SIPA1L3: variants seen among roughly 807,000 people sequenced by gnomAD.
SIPA1L3 encodes signal induced proliferation associated 1 like 3, also known as signal-induced proliferation-associated 1-like protein 3.
A neutral mutation model predicts 150.1 loss-of-function variants in SIPA1L3; 59 were observed. The observed-to-expected ratio is 0.39, with a 90% confidence interval of 0.32 to 0.49. The LOEUF is 0.49. Among genes scored for constraint, SIPA1L3 ranks in the 20% least tolerant of loss-of-function variants. The pLI, the probability that SIPA1L3 is intolerant of heterozygous loss-of-function variation, is 0.86. For synonymous variants in SIPA1L3, 1,070 were observed against 1,077.6 expected (o/e 0.99, Z 0.14); for missense variants, 2,211 against 2,489.5 (o/e 0.89, Z 2.38).
chr19:38,051,533 C>T (rs1441369436), intron 2 of SIPA1L3, among the ~76,000 whole-genome samples: 1 of 152,146 alleles, frequency 6.6e-6, no homozygotes, highest in Non-Finnish European at 1.5e-5. Flanking sequence ...CCACTAGAAC[C>T]TGGTGTATCC....
intron 1 of SIPA1L3, among the ~76,000 whole-genome samples, chr19:37,922,178 C>T (rs984972903): frequency 2.0e-5 from 3 of 151,380 alleles, no homozygotes; most frequent in South Asian, 2.1e-4. Context: ...TCGGCCCCAC[C>T]GGGTTCAAGC....
chr19:38,138,057 A>G (rs1035612587), intron 10 of SIPA1L3, among the ~76,000 whole-genome samples: 7 of 152,008 alleles, frequency 4.6e-5, no homozygotes, highest in Admixed American at 3.3e-4. Flanking sequence ...CTTGAACCCA[A>G]TAGGCGAAGG....
At chr19:37,999,485 AC>A (rs1487240164) in intron 1 of SIPA1L3, among the ~76,000 whole-genome samples, 1 of 152,202 alleles carries the variant, frequency 6.6e-6, no homozygotes, top group Non-Finnish European at 1.5e-5. Context: ...CTCTAGTTGC[AC>A]ATGGAAGTGA....
rs74565208 is a variant in SIPA1L3 at position 38,012,668 on chromosome 19, C to G, written c.-378-16421C>G. Among the ~76,000 whole-genome samples, 302 of 152,126 alleles carry G rather than the reference C, an allele frequency of 2.0e-3. 2 individuals are homozygous for G. The highest frequency in any genetic ancestry group is 0.019 in the East Asian group (100 of 5,170). On this transcript the variant is annotated intron_variant, in intron 1 of 21. Coordinates refer to ENST00000222345, the MANE Select transcript of SIPA1L3 (RefSeq NM_015073.3). Reference sequence around the variant, plus strand: ...CTCATCTGGCCAAGTCCATTCCCCCCACCCCCCATCCTCTCTCCTCCCCAG... The same window carrying G: ...CTCATCTGGCCAAGTCCATTCCCCCGACCCCCCATCCTCTCTCCTCCCCAG...
chr19:37,910,772 T>G (rs1437434387), intron 1 of SIPA1L3, among the ~76,000 whole-genome samples: 1 of 152,146 alleles, frequency 6.6e-6, no homozygotes, highest in Non-Finnish European at 1.5e-5. Flanking sequence ...GCCTGGCTAA[T>G]TTTTGTATTT....
intron 1 of SIPA1L3, among the ~76,000 whole-genome samples, chr19:37,940,471 A>T (rs567714796): frequency 4.6e-5 from 7 of 152,192 alleles, no homozygotes; most frequent in Non-Finnish European, 1.0e-4. Flanking sequence ...TAATCATGAC[A>T]ATAATTAACA....
intron 9 of SIPA1L3, among the ~76,000 whole-genome samples, chr19:38,125,541 C>A (rs551302924): frequency 6.6e-6 from 1 of 152,154 alleles, no homozygotes; most frequent in African/African-American, 2.4e-5. Flanking sequence ...ATACCCCCAC[C>A]CCCACCCCCA....
At position 38,000,913 on chromosome 19, in the gene SIPA1L3, A is replaced by ATATATATGT. The variant is rs1491540090; in HGVS notation, c.-378-28169_-378-28168insGTTATATAT. Among the ~76,000 whole-genome samples the ATATATATGT allele has an allele frequency of 5.2e-5, 4 of 77,090 alleles. No homozygotes were observed. The East Asian group carries it at 1.1e-3, about 22-fold the overall frequency. 50.6% of individuals were successfully genotyped at this position (77,090 alleles called of 152,430 possible). On this transcript the variant is annotated intron_variant, in intron 1 of 21. Coordinates refer to ENST00000222345, the MANE Select transcript of SIPA1L3 (RefSeq NM_015073.3). ...TATATGTTATATATATATATATAAC[A>ATATATATGT]TATATATAACATATATATAACATAT...
At chr19:37,915,074 C>A (rs936948735) in intron 1 of SIPA1L3, among the ~76,000 whole-genome samples, 4 of 152,172 alleles carry the variant, frequency 2.6e-5, no homozygotes. Flanking sequence ...TGTTGTTTGA[C>A]ATGCAAAGCA....
intron 1 of SIPA1L3, among the ~76,000 whole-genome samples, chr19:37,976,104 TA>T (rs374630193): frequency 0.042 from 5,037 of 120,232 alleles, 129 homozygotes; most frequent in Non-Finnish European, 0.067. Context: ...GGCTCTGTCT[TA>T]AAAAAAAAAA....
intron 1 of SIPA1L3, among the ~76,000 whole-genome samples, chr19:37,956,450 AT>A (rs1195823584): frequency 7.3e-6 from 1 of 137,088 alleles, no homozygotes; most frequent in Non-Finnish European, 1.6e-5. Flanking sequence ...AAATATTTTT[AT>A]TTTTTTAGTC....
chr19:38,080,746 G>T (rs941924761), intron 2 of SIPA1L3, among the ~76,000 whole-genome samples: 2 of 151,982 alleles, frequency 1.3e-5, no homozygotes, highest in Non-Finnish European at 1.5e-5. Context: ...GGCGGGCGGG[G>T]ATTGCCTGAG....
At chr19:37,950,957 C>T (rs187939302) in intron 1 of SIPA1L3, among the ~76,000 whole-genome samples, 2 of 152,384 alleles carry the variant, frequency 1.3e-5, no homozygotes, top group East Asian at 3.9e-4. Flanking sequence ...GCATCTGCTC[C>T]CGCAGGTGGA....
chr19:38,062,056 AG>A lies in SIPA1L3; in HGVS notation c.-310-19198del, dbSNP rs899739891. On this transcript the variant is annotated intron_variant, in intron 2 of 21. Coordinates refer to ENST00000222345, the MANE Select transcript of SIPA1L3 (RefSeq NM_015073.3). ...CACTGTGAGTGCAGGTGCTGTTGAA[AG>A]GATGTATCGCGTGCTTGCCATGTGC... Among the ~76,000 whole-genome samples the A allele has an allele frequency of 5.9e-4, 90 of 151,712 alleles. 1 individual carries two copies. The highest frequency in any genetic ancestry group is 5.9e-3 in the Admixed American group (89 of 15,202).
intron 20 of SIPA1L3, among the ~76,000 whole-genome samples, chr19:38,203,172 T>C (rs1345001217): frequency 6.6e-6 from 1 of 152,172 alleles, no homozygotes; most frequent in African/African-American, 2.4e-5. Context: ...TAGGCCCCAC[T>C]GTAATTACAA....
chr19:38,073,354 C>T (rs547306378), intron 2 of SIPA1L3, among the ~76,000 whole-genome samples: 7 of 152,260 alleles, frequency 4.6e-5, no homozygotes, highest in South Asian at 4.1e-4. Flanking sequence ...GGCCTGGAGC[C>T]GCCATATCTG....
chr19:38,154,315 G>C (rs1439299218), intron 13 of SIPA1L3, among the ~76,000 whole-genome samples: 2 of 152,186 alleles, frequency 1.3e-5, no homozygotes, highest in African/African-American at 4.8e-5. Flanking sequence ...TTGCAGTTGG[G>C]CTGCCTAGAG....
intron 8 of SIPA1L3, among the ~76,000 whole-genome samples, chr19:38,113,945 C>A (rs533018911): frequency 3.9e-5 from 6 of 152,162 alleles, no homozygotes; most frequent in Non-Finnish European, 8.8e-5. Flanking sequence ...CCACCCGCAT[C>A]ATCCCTGCAG....
Position 38,119,437 on chromosome 19 carries a change from A to AC in SIPA1L3, c.2424dup (p.Lys809GlnfsTer56). The AC allele has an allele frequency of 6.2e-7, 1 of 1,614,166 alleles. No homozygotes were observed. The highest frequency in any genetic ancestry group is 8.5e-7 in the Non-Finnish European group (1 of 1,180,050). ...GTGATTAACGCTGAGAACGCCGCGC[A>AC]CAAGTCCGACAAGTTCCACACCATG... On this transcript the variant is annotated frameshift_variant, in exon 9 of 22. Transcript: ENST00000222345. LOFTEE classifies it high-confidence loss of function.
Sources: allele counts gnomAD v4.1 joint callset (sites outside exome capture counted in the v4.1 genomes callset), GRCh38; gene constraint gnomAD v4.1.1; transcripts MANE v1.5; gene names NCBI Gene and HGNC (gene_info 2026-07-23, HGNC 2026-07-21).